ZDHHC15: variants seen among roughly 807,000 people sequenced by gnomAD.
The protein encoded by ZDHHC15 is zDHHC palmitoyltransferase 15.
ZDHHC15 carries 19 observed loss-of-function variants against 31.7 expected under a neutral mutation model. The observed-to-expected ratio is 0.60, with a 90% CI of 0.42 to 0.88. The LOEUF (loss-of-function observed/expected upper bound fraction) is 0.88. Ranked by LOEUF, ZDHHC15 falls within the 40% of genes least tolerant of loss-of-function variation. The pLI, the probability that ZDHHC15 is intolerant of heterozygous loss-of-function variation, is 0.00. For synonymous variants in ZDHHC15, 103 were observed against 90.0 expected (o/e 1.14, Z -0.82); for missense variants, 209 against 251.2 (o/e 0.83, Z 1.14).
chrX:75,428,096 A>C (rs760312820), intron 7 of ZDHHC15, among the ~76,000 whole-genome samples: 2 of 110,480 alleles, frequency 1.8e-5, no homozygotes, highest in Non-Finnish European at 3.8e-5. Context: ...TTGAGGTGAG[A>C]TATTCATGTT....
chrX:75,422,920 G>T (rs1326792581), intron 8 of ZDHHC15, among the ~76,000 whole-genome samples: 1 of 105,210 alleles, frequency 9.5e-6, no homozygotes, highest in Non-Finnish European at 2.0e-5. Context: ...TTGTCATCTA[G>T]CATTAGGTAT....
chrX:75,419,259 A>C (rs2083590100), intron 9 of ZDHHC15, among the ~76,000 whole-genome samples: 1 of 111,892 alleles, frequency 8.9e-6, no homozygotes, highest in Non-Finnish European at 1.9e-5. Flanking sequence ...ACAAGAAAAA[A>C]ACAAACAACC....
chrX:75,444,663 T>C (rs2084003107), intron 4 of ZDHHC15, among the ~76,000 whole-genome samples: 1 of 77,450 alleles, frequency 1.3e-5, no homozygotes, highest in Non-Finnish European at 2.4e-5. Context: ...TATATATATA[T>C]ATATATATAT....
At chrX:75,396,482 C>T (rs932171396) in intron 10 of ZDHHC15, among the ~76,000 whole-genome samples, 1 of 111,673 alleles carries the variant, frequency 9.0e-6, no homozygotes, top group Non-Finnish European at 1.9e-5. Flanking sequence ...AAAAGTCAGG[C>T]AATAACAAAT....
intron 10 of ZDHHC15, among the ~76,000 whole-genome samples, chrX:75,408,650 G>A (rs779649407): frequency 2.0e-4 from 22 of 112,294 alleles, no homozygotes; most frequent in Non-Finnish European, 4.1e-4. Flanking sequence ...TGGAAAGGAA[G>A]AAGCCAAGTT....
intron 11 of ZDHHC15, among the ~76,000 whole-genome samples, chrX:75,376,356 G>T (rs1262681752): frequency 9.5e-6 from 1 of 105,648 alleles, no homozygotes; most frequent in Non-Finnish European, 1.9e-5. Flanking sequence ...TCTGTAGATT[G>T]TTTTTGCTAC....
chrX:75,444,261 A>G (rs2083991513), intron 4 of ZDHHC15, among the ~76,000 whole-genome samples: 1 of 110,127 alleles, frequency 9.1e-6, no homozygotes, highest in Non-Finnish European at 1.9e-5. Context: ...AATGTGGCAC[A>G]TATACACCAT....
At chrX:75,445,459 A>G (rs945330856) in intron 4 of ZDHHC15, among the ~76,000 whole-genome samples, 1 of 112,091 alleles carries the variant, frequency 8.9e-6, no homozygotes, top group African/African-American at 3.2e-5. Context: ...TTGAAAAACA[A>G]TGAATAAAAT....
At chrX:75,461,141 C>G (rs1287560693) in intron 3 of ZDHHC15, among the ~76,000 whole-genome samples, 1 of 111,924 alleles carries the variant, frequency 8.9e-6, no homozygotes, top group Non-Finnish European at 1.9e-5. Flanking sequence ...CTTTACTATG[C>G]AATCACAAGT....
chrX:75,412,706 C>G (rs2083499337), intron 10 of ZDHHC15, among the ~76,000 whole-genome samples: 1 of 112,088 alleles, frequency 8.9e-6, no homozygotes, highest in Admixed American at 9.5e-5. Context: ...GCTGGGATTA[C>G]AGGTGTGAGC....
intron 1 of ZDHHC15, among the ~76,000 whole-genome samples, chrX:75,508,086 C>T (rs2085196013): frequency 9.1e-6 from 1 of 110,486 alleles, no homozygotes; most frequent in Admixed American, 9.7e-5. Flanking sequence ...TTAAAGAATG[C>T]CAAGTGAACT....
chrX:75,522,838 C>T (rs776924997), intron 1 of ZDHHC15, 51 bp downstream of exon 1: 3 of 1,199,618 alleles, frequency 2.5e-6, no homozygotes, highest in African/African-American at 1.8e-5. Flanking sequence ...GTAGGGCAAA[C>T]GATTATATTG....
At chrX:75,413,285 C>T (rs1380901670) in intron 10 of ZDHHC15, among the ~76,000 whole-genome samples, 1 of 112,005 alleles carries the variant, frequency 8.9e-6, no homozygotes, top group Non-Finnish European at 1.9e-5. Context: ...GTCAATGTTG[C>T]TGTTAACTTT....
intron 4 of ZDHHC15, among the ~76,000 whole-genome samples, chrX:75,438,879 G>C (rs1041693894): frequency 9.0e-6 from 1 of 111,392 alleles, no homozygotes; most frequent in African/African-American, 3.3e-5. Flanking sequence ...GCATTTTTTT[G>C]TCTAAAAAAT....
At chrX:75,463,555 A>G (rs1323750685) in intron 3 of ZDHHC15, among the ~76,000 whole-genome samples, 1 of 95,518 alleles carries the variant, frequency 1.0e-5, no homozygotes, top group Non-Finnish European at 2.1e-5. Context: ...AATATCCAGA[A>G]TCTATAAAGA....
intron 2 of ZDHHC15, among the ~76,000 whole-genome samples, chrX:75,486,039 C>CA (rs2084772878): frequency 9.3e-6 from 1 of 107,071 alleles, no homozygotes; most frequent in African/African-American, 3.7e-5. Context: ...ACAAGGAAAA[C>CA]CAAAAAAAAT....
At chrX:75,482,834 T>A (rs1248649216) in intron 2 of ZDHHC15, among the ~76,000 whole-genome samples, 2 of 110,055 alleles carry the variant, frequency 1.8e-5, no homozygotes, top group Non-Finnish European at 3.8e-5. Context: ...TGGTCTGTTT[T>A]GGGCGTTGAA....
chrX:75,465,535 C>T (rs1415036804), intron 3 of ZDHHC15, among the ~76,000 whole-genome samples: 1 of 111,778 alleles, frequency 8.9e-6, no homozygotes. Flanking sequence ...CACCATGCTA[C>T]AGACTTCAAG....
At chrX:75,377,943 A>G (rs2083077006) in intron 11 of ZDHHC15, among the ~76,000 whole-genome samples, 1 of 112,207 alleles carries the variant, frequency 8.9e-6, no homozygotes, top group South Asian at 3.7e-4. Context: ...CCCCTAGGAA[A>G]ATACTAAAAT....
Sources: allele counts gnomAD v4.1 joint callset (sites outside exome capture counted in the v4.1 genomes callset), GRCh38; gene constraint gnomAD v4.1.1; transcripts MANE v1.5; gene names NCBI Gene and HGNC (gene_info 2026-07-23, HGNC 2026-07-21).